VAV3: variants seen among roughly 807,000 people sequenced by gnomAD.
VAV3 encodes the protein guanine nucleotide exchange factor VAV3.
Under a neutral mutation model 131.2 loss-of-function variants are expected in VAV3, and 94 were observed. The observed-to-expected ratio is 0.72, with a 90% CI of 0.61 to 0.85. The LOEUF (loss-of-function observed/expected upper bound fraction) is 0.85. Among genes scored for constraint, VAV3 ranks in the 40% least tolerant of loss-of-function variants. The pLI is 0.00. For missense variants in VAV3, 939 were observed against 1,002.7 expected, an observed-to-expected ratio of 0.94 and a Z score of 0.86; for synonymous variants, 349 against 342.0, an observed-to-expected ratio of 1.02 and a Z score of -0.22.
chr1:107,747,499 T>G (rs1663424953), intron 15 of VAV3, among the ~76,000 whole-genome samples: 1 of 152,180 alleles, frequency 6.6e-6, no homozygotes, highest in Non-Finnish European at 1.5e-5. Context: ...AATAGTATAC[T>G]AGAATATGTT....
At chr1:107,600,725 G>A (rs1015909874) in intron 24 of VAV3, among the ~76,000 whole-genome samples, 2 of 152,046 alleles carry the variant, frequency 1.3e-5, no homozygotes, top group East Asian at 3.9e-4. Context: ...ACCAATCCAG[G>A]TCACTGTGGT....
chr1:107,647,508 G>A (rs1213743624), intron 19 of VAV3, among the ~76,000 whole-genome samples: 1 of 151,914 alleles, frequency 6.6e-6, no homozygotes, highest in Non-Finnish European at 1.5e-5. Flanking sequence ...AGACAGACAG[G>A]TGAACTCTGA....
chr1:107,753,549 T>TACAC (rs1553201322), intron 12 of VAV3, among the ~76,000 whole-genome samples: 828 of 81,940 alleles, frequency 0.01, 12 homozygotes, highest in African/African-American at 0.022. Flanking sequence ...TATATATATA[T>TACAC]ACACACACAC....
intron 3 of VAV3, among the ~76,000 whole-genome samples, chr1:107,778,612 C>T (rs1665508584): frequency 6.6e-6 from 1 of 152,136 alleles, no homozygotes; most frequent in Admixed American, 6.6e-5. Flanking sequence ...GTGCAGAGAA[C>T]CCCACTAAGT....
intron 9 of VAV3, among the ~76,000 whole-genome samples, chr1:107,762,774 A>G (rs1664512624): frequency 6.6e-6 from 1 of 152,232 alleles, no homozygotes; most frequent in Admixed American, 6.5e-5. Flanking sequence ...AAAGAAACCA[A>G]CATTGCTGGA....
chr1:107,857,491 G>A (rs898674196), intron 2 of VAV3, among the ~76,000 whole-genome samples: 1 of 152,064 alleles, frequency 6.6e-6, no homozygotes, highest in Admixed American at 6.6e-5. Context: ...TAACTTTTTA[G>A]ACTGTAGTAA....
At chr1:107,951,915 T>C (rs1204797841) in intron 1 of VAV3, among the ~76,000 whole-genome samples, 1 of 152,050 alleles carries the variant, frequency 6.6e-6, no homozygotes, top group African/African-American at 2.4e-5. Context: ...AGTGTGGTGA[T>C]GCCTCAAAGA....
At chr1:107,654,572 C>A (rs1035774574) in intron 19 of VAV3, among the ~76,000 whole-genome samples, 1 of 152,062 alleles carries the variant, frequency 6.6e-6, no homozygotes, top group African/African-American at 2.4e-5. Flanking sequence ...CCCCAACCAT[C>A]AATCTGAAAA....
intron 1 of VAV3, among the ~76,000 whole-genome samples, chr1:107,961,923 T>A (rs1675109359): frequency 6.6e-6 from 1 of 152,222 alleles, no homozygotes. Flanking sequence ...TAGAAAGGCA[T>A]CCCACTCACT....
chr1:107,889,767 A>C (rs187279248), intron 1 of VAV3, among the ~76,000 whole-genome samples: 1 of 152,364 alleles, frequency 6.6e-6, no homozygotes, highest in African/African-American at 2.4e-5. Context: ...AAGCTGTATG[A>C]TCAGAAAGTG....
chr1:107,714,451 A>G (rs1468871861), intron 15 of VAV3, among the ~76,000 whole-genome samples: 1 of 152,286 alleles, frequency 6.6e-6, no homozygotes, highest in Admixed American at 6.5e-5. Flanking sequence ...AGACTTTCCC[A>G]TAAGATACAA....
intron 1 of VAV3, among the ~76,000 whole-genome samples, chr1:107,908,162 T>C (rs1049927776): frequency 2.0e-5 from 3 of 152,296 alleles, no homozygotes; most frequent in Admixed American, 6.5e-5. Context: ...GATTTTGGCT[T>C]AGGTTCTGTG....
At chr1:107,933,739 C>G (rs1007512809) in intron 1 of VAV3, among the ~76,000 whole-genome samples, 1 of 147,094 alleles carries the variant, frequency 6.8e-6, no homozygotes, top group East Asian at 2.0e-4. Context: ...TGGCTTGAGC[C>G]CAGGAATTCA....
At chr1:107,767,136 A>G (rs1219799347) in intron 7 of VAV3, among the ~76,000 whole-genome samples, 1 of 152,228 alleles carries the variant, frequency 6.6e-6, no homozygotes, top group African/African-American at 2.4e-5. Context: ...CTAAGCTAAC[A>G]ATAATCAGAC....
At chr1:107,811,570 G>A (rs560396949) in intron 2 of VAV3, among the ~76,000 whole-genome samples, 5 of 152,082 alleles carry the variant, frequency 3.3e-5, no homozygotes, top group African/African-American at 1.2e-4. Flanking sequence ...ACAATTCTAG[G>A]TTATTAAAAA....
At chr1:107,797,518 A>G (rs888078483) in intron 2 of VAV3, among the ~76,000 whole-genome samples, 15 of 152,222 alleles carry the variant, frequency 9.9e-5, no homozygotes, top group Admixed American at 9.2e-4. Context: ...ATAGGGCTCC[A>G]AAAAGCATAA....
At chr1:107,902,494 T>C (rs537698878) in intron 1 of VAV3, among the ~76,000 whole-genome samples, 7 of 152,228 alleles carry the variant, frequency 4.6e-5, no homozygotes, top group Non-Finnish European at 1.0e-4. Flanking sequence ...TTTTCTGCCC[T>C]TTCACTATTG....
intron 2 of VAV3, among the ~76,000 whole-genome samples, chr1:107,843,795 T>C (rs1668838632): frequency 6.6e-6 from 1 of 151,924 alleles, no homozygotes; most frequent in Admixed American, 6.6e-5. Context: ...CCTGTTCAGT[T>C]GTGACAGATA....
chr1:107,701,313 GGCCTGGGGCTTGCACCCTCTGAAGCAACA>G (rs138880547), intron 17 of VAV3, among the ~76,000 whole-genome samples: 84,565 of 151,726 alleles, frequency 0.56, 24,601 homozygotes, highest in Non-Finnish European at 0.63. Flanking sequence ...CTGAAGCAAA[GGCCTGGGGCTTGCACCCTCTGAAGCAACA>G]GCCTGAGCTG....
Sources: gnomAD v4.1 joint callset for allele counts (sites outside exome capture counted in the v4.1 genomes callset) on GRCh38, gnomAD v4.1.1 for gene constraint, MANE v1.5 for transcripts, NCBI Gene and HGNC (gene_info 2026-07-23, HGNC 2026-07-21) for gene names.